The following FREM2 variants were observed in gnomAD, a reference collection of about 807,000 sequenced individuals.
FREM2 encodes the protein FRAS1 related extracellular matrix 2, also known as FRAS1-related extracellular matrix protein 2.
In FREM2, 119 loss-of-function variants were observed where a neutral mutation model predicts 219.9. The ratio of observed to expected loss-of-function variants is 0.54; its 90% CI spans 0.47 to 0.63. FREM2 has a LOEUF of 0.63. Ranked by LOEUF, FREM2 falls within the 30% of genes least tolerant of loss-of-function variation. FREM2 has a pLI of 0.00. For synonymous variants in FREM2, 1,562 were observed against 1,522.8 expected (o/e 1.03, Z -0.60); for missense variants, 4,030 against 3,993.6 (o/e 1.01, Z -0.25).
chr13:38,799,338 T>G (rs1259224932), intron 6 of FREM2, among the ~76,000 whole-genome samples: 2 of 152,000 alleles, frequency 1.3e-5, no homozygotes, highest in Non-Finnish European at 2.9e-5. Flanking sequence ...CTTGATAAAA[T>G]TTTTCTTTTA....
At chr13:38,761,762 G>A (rs758806636) in intron 2 of FREM2, among the ~76,000 whole-genome samples, 2 of 152,144 alleles carry the variant, frequency 1.3e-5, no homozygotes, top group Non-Finnish European at 2.9e-5. Context: ...GAAAGTGTCA[G>A]CCAAGGAAGA....
chr13:38,747,395 A>G (rs1002744703), intron 2 of FREM2, among the ~76,000 whole-genome samples: 75 of 142,994 alleles, frequency 5.2e-4, no homozygotes, highest in South Asian at 1.1e-3. Flanking sequence ...CTGATATAAT[A>G]TGTGTGTGTG....
intron 2 of FREM2, among the ~76,000 whole-genome samples, chr13:38,736,885 CT>C (rs944041658): frequency 2.0e-5 from 3 of 150,412 alleles, no homozygotes; most frequent in Non-Finnish European, 4.4e-5. Flanking sequence ...TTTCTGCTTT[CT>C]TTTTTTTTCT....
At chr13:38,778,252 A>G (rs1486907127) in intron 4 of FREM2, among the ~76,000 whole-genome samples, 2 of 152,202 alleles carry the variant, frequency 1.3e-5, no homozygotes, top group Non-Finnish European at 2.9e-5. Flanking sequence ...GGCTTAAACA[A>G]CAGACATTTC....
Position 38,881,315 on chromosome 13 carries a change from TCAAC to T in FREM2, c.*530_*533del, listed in dbSNP as rs2137944154. 6.1e-6 allele frequency: 1 copy of T among 164,038 alleles called. No individual in the cohort carries two copies. Among genetic ancestry groups the T allele is most frequent in the South Asian group, 1.7e-4 (1 of 5,878 alleles). 10.2% of individuals were successfully genotyped at this position (164,038 alleles called of 1,614,324 possible). A position where few individuals can be genotyped will look rare whatever the true frequency, so the allele number is the denominator to read the frequency against. ...AGCATAGAATTATGACCAGGGTGGC[TCAAC>T]CCACAAATCAACTGATCTACTACTT... On this transcript the variant is annotated 3_prime_UTR_variant, in exon 24 of 24. Coordinates refer to ENST00000280481, the MANE Select transcript of FREM2 (RefSeq NM_207361.6).
chr13:38,762,004 A>G (rs1001258477), intron 2 of FREM2, among the ~76,000 whole-genome samples: 1 of 152,190 alleles, frequency 6.6e-6, no homozygotes, highest in African/African-American at 2.4e-5. Context: ...AGGTGGGTGT[A>G]AGGCAGACGA....
rs1566106172 is a variant in FREM2, at chr13:38,692,012, C to T, written c.4668C>T (p.Leu1556=). 1.2e-6 allele frequency: 2 copies of T among 1,614,230 alleles called. No homozygotes were observed. Among genetic ancestry groups the T allele is most frequent in the Non-Finnish European group, 1.7e-6 (2 of 1,180,054 alleles). The change falls in exon 1 of 24, where the codon CTC becomes CTT. Residue 1556 remains leucine, a synonymous_variant. Coordinates refer to ENST00000280481, the MANE Select transcript of FREM2 (RefSeq NM_207361.6). The part of the protein sequence containing the change: ...SENKLITPFE[L]TVEDRDTPDK... Reference sequence around the variant, plus strand: ...ACAAGCTGATTACTCCTTTTGAGCTCACTGTCGAAGACAGAGATACTCCTG... The same window carrying T: ...ACAAGCTGATTACTCCTTTTGAGCTTACTGTCGAAGACAGAGATACTCCTG...
At chr13:38,731,992 C>G (rs1303289056) in intron 2 of FREM2, among the ~76,000 whole-genome samples, 1 of 152,134 alleles carries the variant, frequency 6.6e-6, no homozygotes, top group Non-Finnish European at 1.5e-5. Flanking sequence ...TGAGATGTGT[C>G]ACATAGAGCT....
At chr13:38,854,349 A>C (rs1252858451) in intron 11 of FREM2, among the ~76,000 whole-genome samples, 3 of 152,110 alleles carry the variant, frequency 2.0e-5, no homozygotes, top group Non-Finnish European at 4.4e-5. Context: ...GAATGCTTAC[A>C]TGTCTAAGAT....
chr13:38,816,666 T>C (rs1015509164), intron 6 of FREM2, among the ~76,000 whole-genome samples: 3 of 152,056 alleles, frequency 2.0e-5, no homozygotes, highest in Non-Finnish European at 4.4e-5. Flanking sequence ...GGTCAGGAAC[T>C]AGACAAAGAT....
chr13:38,846,530 A>C, intron 6 of FREM2, 43 bp from the exon 7 acceptor site: 1 of 1,604,062 alleles, frequency 6.2e-7, no homozygotes, highest in Non-Finnish European at 8.5e-7. Flanking sequence ...TTGATGTGAA[A>C]AAATAAAAAT....
intron 6 of FREM2, among the ~76,000 whole-genome samples, chr13:38,800,121 T>TTTCCTCA (rs1874953480): frequency 6.6e-6 from 1 of 152,166 alleles, no homozygotes; most frequent in Non-Finnish European, 1.5e-5. Context: ...AGTCCTTTCT[T>TTTCCTCA]TTCCTCATTT....
At chr13:38,872,518 T>C (rs1383357615) in intron 16 of FREM2, among the ~76,000 whole-genome samples, 2 of 152,318 alleles carry the variant, frequency 1.3e-5, no homozygotes, top group Non-Finnish European at 2.9e-5. Flanking sequence ...TCTTAAGGAT[T>C]TCTGGTACAT....
intron 6 of FREM2, among the ~76,000 whole-genome samples, chr13:38,799,390 T>C (rs1237019735): frequency 6.6e-6 from 1 of 152,104 alleles, no homozygotes; most frequent in Non-Finnish European, 1.5e-5. Flanking sequence ...ACATATGGTC[T>C]ATCCTGAAGA....
chr13:38,748,159 C>A (rs1366876363), intron 2 of FREM2, among the ~76,000 whole-genome samples: 1 of 151,934 alleles, frequency 6.6e-6, no homozygotes, highest in Non-Finnish European at 1.5e-5. Flanking sequence ...AGTTAAGTTG[C>A]AAAAAAAGCA....
intron 3 of FREM2, among the ~76,000 whole-genome samples, chr13:38,768,665 A>T (rs1331931565): frequency 6.6e-6 from 1 of 152,212 alleles, no homozygotes; most frequent in Non-Finnish European, 1.5e-5. Flanking sequence ...AAATTATTCT[A>T]TTAACTTGAC....
chr13:38,729,519 A>C (rs1478375139), intron 2 of FREM2, among the ~76,000 whole-genome samples: 1 of 152,170 alleles, frequency 6.6e-6, no homozygotes, highest in Admixed American at 6.5e-5. Context: ...CTAACTAGGA[A>C]TTTGTGCTAA....
intron 2 of FREM2, among the ~76,000 whole-genome samples, chr13:38,743,412 TCAGGCCCC>T (rs1872328368): frequency 6.6e-6 from 1 of 152,052 alleles, no homozygotes; most frequent in African/African-American, 2.4e-5. Flanking sequence ...TCTCATTATT[TCAGGCCCC>T]CAGCAGATTT....
chr13:38,850,596 T>C (rs2137911065), intron 9 of FREM2, among the ~76,000 whole-genome samples: 1 of 152,346 alleles, frequency 6.6e-6, no homozygotes, highest in East Asian at 1.9e-4. Flanking sequence ...AGATTAACAA[T>C]GATCAACCAG....
Sources: gnomAD v4.1 joint callset for allele counts (sites outside exome capture counted in the v4.1 genomes callset) on GRCh38, gnomAD v4.1.1 for gene constraint, MANE v1.5 for transcripts, NCBI Gene and HGNC (gene_info 2026-07-23, HGNC 2026-07-21) for gene names.